Variants in ATP8A2 observed in about 807,000 individuals in gnomAD.
ATP8A2 encodes ATPase phospholipid transporting 8A2.
A neutral mutation model predicts 165.6 loss-of-function variants in ATP8A2; 100 were observed. The ratio of observed to expected loss-of-function variants is 0.60; its 90% CI spans 0.51 to 0.71. The LOEUF (loss-of-function observed/expected upper bound fraction) is 0.71, where lower values mean the gene tolerates loss of function less well. Among genes scored for constraint, ATP8A2 ranks in the 30% least tolerant of loss-of-function variants. ATP8A2 has a pLI of 0.00. For missense variants in ATP8A2, 1,227 were observed against 1,479.5 expected (o/e 0.83, Z 2.80); for synonymous variants, 543 against 548.8 (o/e 0.99, Z 0.15).
At chr13:25,794,185 AGAG>A (rs1950449834) in intron 27 of ATP8A2, among the ~76,000 whole-genome samples, 1 of 151,546 alleles carries the variant, frequency 6.6e-6, no homozygotes, top group Non-Finnish European at 1.5e-5. Context: ...TGAAGAAAGA[AGAG>A]GTGGGAATTC....
chr13:25,442,941 T>C (rs538995266), intron 1 of ATP8A2, among the ~76,000 whole-genome samples: 3 of 152,356 alleles, frequency 2.0e-5, no homozygotes, highest in Non-Finnish European at 4.4e-5. Flanking sequence ...ATAGTCTAGA[T>C]ACTAATCCTT....
At chr13:25,467,167 A>C (rs189165106) in intron 1 of ATP8A2, among the ~76,000 whole-genome samples, 363 of 152,200 alleles carry the variant, frequency 2.4e-3, no homozygotes, top group African/African-American at 6.8e-3. Flanking sequence ...GGAGGGAAGG[A>C]GATGAGGGAT....
intron 27 of ATP8A2, among the ~76,000 whole-genome samples, chr13:25,820,562 G>A (rs997846008): frequency 6.6e-6 from 1 of 152,172 alleles, no homozygotes; most frequent in Non-Finnish European, 1.5e-5. Context: ...CAGTCTGTTT[G>A]TATTGAAGGC....
At chr13:25,771,941 AT>A (rs35382528) in intron 26 of ATP8A2, among the ~76,000 whole-genome samples, 1 of 152,032 alleles carries the variant, frequency 6.6e-6, no homozygotes, top group Non-Finnish European at 1.5e-5. Flanking sequence ...ATGTGGATGC[AT>A]TTTTTTTATT....
At chr13:25,948,078 C>T (rs1955259160) in intron 33 of ATP8A2, among the ~76,000 whole-genome samples, 1 of 152,154 alleles carries the variant, frequency 6.6e-6, no homozygotes, top group Non-Finnish European at 1.5e-5. Flanking sequence ...GCACCAGCAT[C>T]ACTATTAACA....
intron 1 of ATP8A2, among the ~76,000 whole-genome samples, chr13:25,444,172 A>G (rs773781007): frequency 3.9e-5 from 6 of 152,190 alleles, no homozygotes; most frequent in Non-Finnish European, 8.8e-5. Flanking sequence ...AATGTCATAT[A>G]AATGGAATTG....
intron 33 of ATP8A2, chr13:25,863,506 AG>A (rs984874402): frequency 1.8e-4 from 28 of 152,292 alleles, no homozygotes; most frequent in Admixed American, 1.6e-3. Context: ...CACAGAACCC[AG>A]GGTGGGATGG....
intron 1 of ATP8A2, among the ~76,000 whole-genome samples, chr13:25,388,704 C>T (rs192089422): frequency 6.6e-6 from 1 of 152,194 alleles, no homozygotes; most frequent in African/African-American, 2.4e-5. Context: ...TCATTTCTGC[C>T]TTTTAGTTTT....
At chr13:25,513,491 G>A (rs894004690) in intron 2 of ATP8A2, among the ~76,000 whole-genome samples, 2 of 151,752 alleles carry the variant, frequency 1.3e-5, no homozygotes, top group South Asian at 2.1e-4. Context: ...GCCAGGCAGA[G>A]GGGCTCCTCA....
At chr13:25,424,936 C>T (rs945393889) in intron 1 of ATP8A2, among the ~76,000 whole-genome samples, 11 of 152,022 alleles carry the variant, frequency 7.2e-5, no homozygotes, top group Admixed American at 1.3e-4. Context: ...CCAGCCCGGG[C>T]GACAAGAGCA....
intron 25 of ATP8A2, among the ~76,000 whole-genome samples, chr13:25,702,700 C>T (rs910702808): frequency 2.0e-5 from 3 of 152,170 alleles, no homozygotes; most frequent in Admixed American, 6.5e-5. Flanking sequence ...ACATACATCC[C>T]AATTCCTTGA....
chr13:25,600,459 T>G (rs1005785112), intron 24 of ATP8A2, among the ~76,000 whole-genome samples: 1 of 152,090 alleles, frequency 6.6e-6, no homozygotes, highest in Non-Finnish European at 1.5e-5. Context: ...GAATTTCAAG[T>G]GTAAAGATTT....
At chr13:25,604,027 G>A (rs949143074) in intron 24 of ATP8A2, among the ~76,000 whole-genome samples, 2 of 151,966 alleles carry the variant, frequency 1.3e-5, no homozygotes, top group African/African-American at 2.4e-5. Context: ...CAAGAATTCA[G>A]CTCTTGTGGG....
chr13:25,678,550 C>T (rs930193510), intron 24 of ATP8A2, among the ~76,000 whole-genome samples: 6 of 152,142 alleles, frequency 3.9e-5, no homozygotes, highest in Non-Finnish European at 8.8e-5. Context: ...TCTTCTGAGG[C>T]AGGAGGGCAG....
chr13:25,685,368 G>A (rs1028400059), intron 24 of ATP8A2, among the ~76,000 whole-genome samples: 3 of 152,170 alleles, frequency 2.0e-5, no homozygotes, highest in Non-Finnish European at 4.4e-5. Flanking sequence ...TACTTTGCAA[G>A]CCAGGCTGTG....
intron 33 of ATP8A2, among the ~76,000 whole-genome samples, chr13:25,923,435 G>C (rs1382235694): frequency 6.6e-6 from 1 of 152,174 alleles, no homozygotes; most frequent in Non-Finnish European, 1.5e-5. Flanking sequence ...CGCACAGGTT[G>C]TGAAATCCTT....
chr13:25,651,348 C>T (rs2041807642), intron 24 of ATP8A2, among the ~76,000 whole-genome samples: 1 of 151,802 alleles, frequency 6.6e-6, no homozygotes, highest in Admixed American at 6.6e-5. Context: ...GAGGCTGAGG[C>T]AGGAGAATCA....
chr13:25,757,725 T>G (rs750790881), intron 25 of ATP8A2, among the ~76,000 whole-genome samples: 3 of 152,178 alleles, frequency 2.0e-5, no homozygotes, highest in Admixed American at 6.5e-5. Context: ...CTCAGTCAGC[T>G]GAGAGCCCCT....
chr13:25,627,103 C>G (rs117897679), intron 24 of ATP8A2, among the ~76,000 whole-genome samples: 2 of 152,024 alleles, frequency 1.3e-5, no homozygotes, highest in Non-Finnish European at 2.9e-5. Flanking sequence ...AAACAGAGTC[C>G]TCAGTGAGGA....
Sources: allele counts gnomAD v4.1 joint callset (sites outside exome capture counted in the v4.1 genomes callset), GRCh38; gene constraint gnomAD v4.1.1; transcripts MANE v1.5; gene names NCBI Gene and HGNC (gene_info 2026-07-23, HGNC 2026-07-21).